FARP1: variants seen among roughly 807,000 people sequenced by gnomAD.
FARP1 encodes FERM, ARH/RhoGEF and pleckstrin domain protein 1.
In FARP1, 52 loss-of-function variants were observed where a neutral mutation model predicts 128.8. The observed-to-expected ratio is 0.40, with a 90% confidence interval of 0.32 to 0.51. The LOEUF (loss-of-function observed/expected upper bound fraction) is 0.51, where lower values mean the gene tolerates loss of function less well. Ranked by LOEUF, FARP1 falls within the 20% of genes least tolerant of loss-of-function variation. FARP1 has a pLI of 0.45. For missense variants in FARP1, 1,333 were observed against 1,367.9 expected (o/e 0.97, Z 0.40); for synonymous variants, 580 against 551.8 (o/e 1.05, Z -0.72).
intron 2 of FARP1, among the ~76,000 whole-genome samples, chr13:98,251,004 G>A (rs1883296270): frequency 6.6e-6 from 1 of 152,216 alleles, no homozygotes. Context: ...CGAGCACAGT[G>A]CTTGGCACAT....
At position 98,200,489 on chromosome 13, in the gene FARP1, G is replaced by A. The variant is rs144551012; in HGVS notation, c.-23-12731G>A. Among the ~76,000 whole-genome samples the A allele has an allele frequency of 8.8e-3, 1,326 of 151,326 alleles. 6 individuals carry two copies. The highest frequency in any genetic ancestry group is 0.014 in the Non-Finnish European group (945 of 67,884). ...CAGGTGATGTGGATGCTGATTTGTG[G>A]GCACATTTTAAGAAGCACTGCAGTA... On this transcript the variant is annotated intron_variant, in intron 1 of 26. Transcript: ENST00000319562.
At chr13:98,213,472 G>A (rs2295980) in intron 2 of FARP1, 59 bp downstream of exon 2, 149,755 of 1,556,806 alleles carry the variant, frequency 0.096, 8,268 homozygotes, top group South Asian at 0.2. Context: ...TTTGGTGTGA[G>A]GAGGTTCGGC....
intron 15 of FARP1, among the ~76,000 whole-genome samples, chr13:98,411,413 G>A (rs938859409): frequency 6.6e-6 from 1 of 152,112 alleles, no homozygotes. Context: ...ACAGGTGCTC[G>A]CTAAGCGTTG....
At chr13:98,440,984 G>A (rs1184685349) in intron 24 of FARP1, 148 bp downstream of exon 24, 3 of 803,426 alleles carry the variant, frequency 3.7e-6, no homozygotes, top group Non-Finnish European at 3.9e-6. Flanking sequence ...GATCAACACT[G>A]GGCCCCCTTT....
chr13:98,450,431 G>A lies in FARP1; in HGVS notation c.*2114G>A, dbSNP rs923090437. 2 of 150,978 alleles carry A rather than the reference G, an allele frequency of 1.3e-5. No individual in the cohort carries two copies. The highest frequency in any genetic ancestry group is 3.0e-5 in the Non-Finnish European group (2 of 67,232). The allele number at this position is 150,978 out of a possible 1,614,324, so 9.4% of individuals were successfully genotyped here. ...CAGCCACTTCACAAGAGCAATGCAGGGATAAAACTATTGGATAAGGAAGGC... is the reference window on the plus strand; with the variant it reads ...CAGCCACTTCACAAGAGCAATGCAGAGATAAAACTATTGGATAAGGAAGGC... On this transcript the variant is annotated 3_prime_UTR_variant, in exon 27 of 27. Coordinates refer to ENST00000319562, the MANE Select transcript of FARP1 (RefSeq NM_005766.4).
At chr13:98,423,761 G>A (rs1891679808) in intron 16 of FARP1, among the ~76,000 whole-genome samples, 1 of 152,296 alleles carries the variant, frequency 6.6e-6, no homozygotes, top group East Asian at 1.9e-4. Flanking sequence ...GACTAAAAGG[G>A]CTCATGACTA....
At chr13:98,322,085 G>A (rs187685007) in intron 2 of FARP1, among the ~76,000 whole-genome samples, 1 of 152,302 alleles carries the variant, frequency 6.6e-6, no homozygotes, top group Admixed American at 6.5e-5. Flanking sequence ...ATCACCTGAG[G>A]TCAGGAATTC....
chr13:98,285,175 T>C (rs1423045711), intron 2 of FARP1, among the ~76,000 whole-genome samples: 2 of 152,148 alleles, frequency 1.3e-5, no homozygotes, highest in African/African-American at 4.8e-5. Context: ...TGTCCCCTTA[T>C]TGGACTTAAC....
rs1271171955 is a variant in FARP1, at chr13:98,454,181, A to T, written c.*5864A>T. On this transcript the variant is annotated 3_prime_UTR_variant, in exon 27 of 27. Transcript: ENST00000319562. ...GAATTCAGTAAGTTTATGACCTGGTATGACAACAGAAGGCAATGCACCCAA... is the reference window on the plus strand; with the variant it reads ...GAATTCAGTAAGTTTATGACCTGGTTTGACAACAGAAGGCAATGCACCCAA... 1 of 152,248 alleles carries T rather than the reference A, an allele frequency of 6.6e-6. No homozygotes were observed. Among genetic ancestry groups the T allele is most frequent in the Non-Finnish European group, 1.5e-5 (1 of 68,040 alleles). 9.4% of individuals were successfully genotyped at this position (152,248 alleles called of 1,614,324 possible).
At chr13:98,437,605 G>A (rs182603218) in intron 19 of FARP1, among the ~76,000 whole-genome samples, 10 of 152,174 alleles carry the variant, frequency 6.6e-5, no homozygotes, top group African/African-American at 1.9e-4. Flanking sequence ...CGGTTGCAGC[G>A]AACTCACTTG....
intron 2 of FARP1, among the ~76,000 whole-genome samples, chr13:98,257,488 T>C (rs1303849454): frequency 6.6e-6 from 1 of 152,166 alleles, no homozygotes; most frequent in Admixed American, 6.5e-5. Context: ...AGTAGAACCC[T>C]GAGGCTGGGT....
Position 98,344,370 on chromosome 13 carries a change from C to T in FARP1, c.276+504C>T, listed in dbSNP as rs9582216. On this transcript the variant is annotated intron_variant, in intron 3 of 26. Coordinates refer to ENST00000319562, the MANE Select transcript of FARP1 (RefSeq NM_005766.4). ...AGAGGATGTGATTGAATGAATACCC[C>T]TGTGGAGGAGAGGGCTTGGAGTGGC... 6.5e-3 allele frequency among the ~76,000 whole-genome samples: 983 copies of T among 152,112 alleles called. 15 individuals carry two copies. Among genetic ancestry groups the T allele is most frequent in the African/African-American group, 0.021 (853 of 41,506 alleles).
rs149753621 is a variant in FARP1 at position 98,215,741 on chromosome 13, A to G, written c.171+2328A>G. Among the ~76,000 whole-genome samples, 67 of 152,200 alleles carry G rather than the reference A, an allele frequency of 4.4e-4. 4 individuals are homozygous for G. The East Asian group carries it at 0.013, about 28-fold the overall frequency. ...GAGTGTGAGTTTATTTTACAAGTAGAATTAATGCCATTGTTCGTTTTCACA... is the reference window on the plus strand; with the variant it reads ...GAGTGTGAGTTTATTTTACAAGTAGGATTAATGCCATTGTTCGTTTTCACA... On this transcript the variant is annotated intron_variant, in intron 2 of 26. Transcript: ENST00000319562.
intron 1 of FARP1, among the ~76,000 whole-genome samples, chr13:98,189,694 G>C (rs1566720828): frequency 6.6e-6 from 1 of 152,136 alleles, no homozygotes; most frequent in Non-Finnish European, 1.5e-5. Flanking sequence ...TCTCAAGTCA[G>C]GCATCGTTGA....
chr13:98,416,060 T>C (rs2140130912), intron 16 of FARP1, among the ~76,000 whole-genome samples: 1 of 152,378 alleles, frequency 6.6e-6, no homozygotes, highest in Admixed American at 6.5e-5. Flanking sequence ...AAATTAACTT[T>C]TTATTTGGAA....
Position 98,395,985 on chromosome 13 carries a change from C to G in FARP1, c.1414+509C>G, listed in dbSNP as rs79754638. On this transcript the variant is annotated intron_variant, in intron 13 of 26. Transcript: ENST00000319562. ...AGGGGAGTATGGGAGAAGACACTCT[C>G]CCGGACCAGGGTCCTCCTTATGAAC... The G allele has an allele frequency of 5.8e-3, 2,329 of 399,188 alleles. 26 individuals are homozygous for G. Among genetic ancestry groups the G allele is most frequent in the African/African-American group, 0.033 (1,614 of 48,756 alleles). The allele number at this position is 399,188 out of a possible 1,614,324, so 24.7% of individuals were successfully genotyped here. A position where few individuals can be genotyped will look rare whatever the true frequency, so the allele number is the denominator to read the frequency against.
intron 2 of FARP1, among the ~76,000 whole-genome samples, chr13:98,222,659 G>T (rs141406709): frequency 0.022 from 3,390 of 151,412 alleles, 128 homozygotes; most frequent in African/African-American, 0.077. Flanking sequence ...GTCTTGCTCT[G>T]TTGCTAGGCT....
At chr13:98,210,224 G>A (rs1594274037) in intron 1 of FARP1, among the ~76,000 whole-genome samples, 1 of 151,916 alleles carries the variant, frequency 6.6e-6, no homozygotes, top group Non-Finnish European at 1.5e-5. Context: ...CCCCTTCTGT[G>A]GCCCCTTTGT....
intron 2 of FARP1, among the ~76,000 whole-genome samples, chr13:98,267,211 A>T (rs1394802959): frequency 6.6e-6 from 1 of 152,146 alleles, no homozygotes; most frequent in Non-Finnish European, 1.5e-5. Context: ...ACCCTTTGAT[A>T]CCGTGGCAGC....
Sources: gnomAD v4.1 joint callset for allele counts (sites outside exome capture counted in the v4.1 genomes callset) on GRCh38, gnomAD v4.1.1 for gene constraint, MANE v1.5 for transcripts, NCBI Gene and HGNC (gene_info 2026-07-23, HGNC 2026-07-21) for gene names.